The following MLLT3 variants were observed in gnomAD, a reference collection of about 807,000 sequenced individuals.
The protein encoded by MLLT3 is protein AF-9.
Under a neutral mutation model 53.2 loss-of-function variants are expected in MLLT3, and 4 were observed. That is an observed-to-expected ratio of 0.08 (90% CI 0.04 to 0.17). The LOEUF (loss-of-function observed/expected upper bound fraction) is 0.17, where lower values mean the gene tolerates loss of function less well. MLLT3 is among the 10% of genes least tolerant of loss of function. The pLI, the probability that MLLT3 is intolerant of heterozygous loss-of-function variation, is 1.00. For missense variants in MLLT3, 569 were observed against 684.0 expected (o/e 0.83, Z 1.87); for synonymous variants, 283 against 230.6 (o/e 1.23, Z -2.06).
chr9:20,350,469 C>T (rs1048668179), intron 10 of MLLT3, among the ~76,000 whole-genome samples: 7 of 150,816 alleles, frequency 4.6e-5, no homozygotes, highest in Non-Finnish European at 8.8e-5. Flanking sequence ...GTGGCGGGCG[C>T]CTGTAGTCCC....
In MLLT3 at chr9:20,620,604, A is replaced by G; in HGVS notation, c.193+50T>C. On this transcript the variant is annotated intron_variant, in intron 2 of 10. Coordinates refer to ENST00000380338, the MANE Select transcript of MLLT3 (RefSeq NM_004529.4). This position sits in a 1 kb window ranked among gnomAD's most constrained non-coding sequence, Gnocchi z 6.1. ...ACAGCGGGACCGCCCGGGCCAAGCG[A>G]TTGTTTCAAAGACATTTTTTATCAA... 1 of 1,552,492 alleles carries G rather than the reference A, an allele frequency of 6.4e-7. No homozygotes were observed. Among genetic ancestry groups the G allele is most frequent in the Non-Finnish European group, 8.8e-7 (1 of 1,138,074 alleles).
intron 5 of MLLT3, among the ~76,000 whole-genome samples, chr9:20,405,302 T>G (rs972847426): frequency 4.6e-5 from 7 of 152,224 alleles, no homozygotes; most frequent in African/African-American, 1.7e-4. Flanking sequence ...GTACTGTGGC[T>G]ACATTTTATT....
intron 2 of MLLT3, among the ~76,000 whole-genome samples, chr9:20,522,553 G>A (rs1328380884): frequency 6.6e-6 from 1 of 151,984 alleles, no homozygotes; most frequent in African/African-American, 2.4e-5. Context: ...ATTCCCTCTT[G>A]TTTCAAATAG....
chr9:20,481,696 T>C (rs1051825702), intron 2 of MLLT3, among the ~76,000 whole-genome samples: 1 of 152,162 alleles, frequency 6.6e-6, no homozygotes, highest in African/African-American at 2.4e-5. Flanking sequence ...CTTCAATCAA[T>C]GACATATCAC....
chr9:20,500,135 G>C (rs1217374069), intron 2 of MLLT3, among the ~76,000 whole-genome samples: 1 of 152,202 alleles, frequency 6.6e-6, no homozygotes, highest in Admixed American at 6.5e-5. Flanking sequence ...ACTCAGAAAG[G>C]TTTGATTGTG....
At chr9:20,509,449 T>TGG (rs1825469292) in intron 2 of MLLT3, among the ~76,000 whole-genome samples, 1 of 152,224 alleles carries the variant, frequency 6.6e-6, no homozygotes, top group African/African-American at 2.4e-5. Context: ...GTGCTTGTAG[T>TGG]GGCTTTAAGT....
chr9:20,505,977 C>T (rs1825371074), intron 2 of MLLT3, among the ~76,000 whole-genome samples: 2 of 152,166 alleles, frequency 1.3e-5, no homozygotes, highest in Admixed American at 1.3e-4. Context: ...GTACAGAAAA[C>T]ATGCATTTCT....
At chr9:20,523,898 G>A (rs932221277) in intron 2 of MLLT3, among the ~76,000 whole-genome samples, 1 of 151,902 alleles carries the variant, frequency 6.6e-6, no homozygotes, top group Non-Finnish European at 1.5e-5. Flanking sequence ...TTGAGTTCAG[G>A]AGGTGGAGGT....
intron 4 of MLLT3, among the ~76,000 whole-genome samples, chr9:20,447,222 T>C (rs985993904): frequency 1.3e-5 from 2 of 152,098 alleles, no homozygotes; most frequent in African/African-American, 4.8e-5. Flanking sequence ...TCAGGTAGAG[T>C]TTATCAGTGA....
chr9:20,413,630 T>C, intron 5 of MLLT3, 91 bp downstream of exon 5: 1 of 1,113,074 alleles, frequency 9.0e-7, no homozygotes, highest in Non-Finnish European at 1.3e-6. Flanking sequence ...TGGCTCAGCA[T>C]TCATTTTCTT....
At chr9:20,565,132 GT>G (rs200465264) in intron 2 of MLLT3, among the ~76,000 whole-genome samples, 5,293 of 146,562 alleles carry the variant, frequency 0.036, 170 homozygotes, top group African/African-American at 0.084. Context: ...TGACTGATAT[GT>G]TTTTTTTTTT....
chr9:20,500,861 T>G (rs1016370071), intron 2 of MLLT3, among the ~76,000 whole-genome samples: 3 of 152,162 alleles, frequency 2.0e-5, no homozygotes, highest in African/African-American at 7.2e-5. Context: ...CATTTTCAAC[T>G]CCCTCCAGTT....
chr9:20,539,356 T>C (rs751537997), intron 2 of MLLT3, among the ~76,000 whole-genome samples: 4 of 152,342 alleles, frequency 2.6e-5, no homozygotes, highest in Non-Finnish European at 4.4e-5. Context: ...AGTACATTAG[T>C]CCATTTTCAC....
chr9:20,578,629 C>T lies in MLLT3; in HGVS notation c.193+42025G>A, dbSNP rs1019766721. Among the ~76,000 whole-genome samples the T allele has an allele frequency of 5.3e-5, 8 of 152,186 alleles. No individual in the cohort carries two copies. The East Asian group carries it at 9.6e-4, about 18-fold the overall frequency. ...ACCAGGCATACGCAACTACTGAGCA[C>T]GTCAAATGTGGCTAGTGCAACTGAG... On this transcript the variant is annotated intron_variant, in intron 2 of 10. Transcript: ENST00000380338.
At chr9:20,593,921 T>C (rs1820187650) in intron 2 of MLLT3, among the ~76,000 whole-genome samples, 1 of 151,556 alleles carries the variant, frequency 6.6e-6, no homozygotes. Context: ...GAATGCAGGA[T>C]AAGCTTACTC....
At chr9:20,508,423 C>A (rs991800345) in intron 2 of MLLT3, among the ~76,000 whole-genome samples, 1 of 152,160 alleles carries the variant, frequency 6.6e-6, no homozygotes, top group Admixed American at 6.5e-5. Flanking sequence ...GAGGACACTA[C>A]CGCAGTGCCA....
intron 2 of MLLT3, among the ~76,000 whole-genome samples, chr9:20,561,210 C>T (rs1170130007): frequency 1.3e-5 from 2 of 152,068 alleles, no homozygotes; most frequent in East Asian, 3.9e-4. Context: ...ATCAATGGAG[C>T]ACTGTATTAA....
chr9:20,594,844 G>T (rs1472739238), intron 2 of MLLT3, among the ~76,000 whole-genome samples: 1 of 152,130 alleles, frequency 6.6e-6, no homozygotes, highest in East Asian at 1.9e-4. Flanking sequence ...AAGTTCCCCT[G>T]TATGGTCCAA....
chr9:20,387,308 T>A (rs953604383), intron 5 of MLLT3, among the ~76,000 whole-genome samples: 4 of 152,240 alleles, frequency 2.6e-5, no homozygotes, highest in Non-Finnish European at 5.9e-5. Context: ...GTTCACAGGC[T>A]GTTTTTGCTG....
Sources: allele counts gnomAD v4.1 joint callset (sites outside exome capture counted in the v4.1 genomes callset), GRCh38; gene constraint gnomAD v4.1.1; non-coding constraint Gnocchi (gnomAD v3.1); transcripts MANE v1.5; gene names NCBI Gene and HGNC (gene_info 2026-07-23, HGNC 2026-07-21).